Variants in THSD7B observed in about 807,000 individuals in gnomAD.
THSD7B encodes thrombospondin type 1 domain containing 7B.
Under a neutral mutation model 213.6 loss-of-function variants are expected in THSD7B, and 138 were observed. The ratio of observed to expected loss-of-function variants is 0.65; its 90% CI spans 0.56 to 0.74. THSD7B has a LOEUF of 0.74. THSD7B is among the 30% of genes least tolerant of loss of function. THSD7B has a pLI of 0.00. For synonymous variants in THSD7B, 742 were observed against 687.0 expected, an observed-to-expected ratio of 1.08 and a Z score of -1.25; for missense variants, 1,931 against 1,991.5, an observed-to-expected ratio of 0.97 and a Z score of 0.58.
chr2:136,839,183 C>T (rs779176281), intron 1 of THSD7B, among the ~76,000 whole-genome samples: 5 of 152,178 alleles, frequency 3.3e-5, no homozygotes, highest in Non-Finnish European at 7.3e-5. Flanking sequence ...ATCAAGCATG[C>T]CTCACACTAG....
chr2:137,471,743 G>A (rs1688099118), intron 15 of THSD7B, among the ~76,000 whole-genome samples: 1 of 152,102 alleles, frequency 6.6e-6, no homozygotes, highest in Middle Eastern at 3.2e-3. Flanking sequence ...TGGGGTTTAG[G>A]TGCAGGCTCC....
intron 2 of THSD7B, among the ~76,000 whole-genome samples, chr2:137,027,933 A>G (rs1686584816): frequency 6.6e-6 from 1 of 152,214 alleles, no homozygotes; most frequent in East Asian, 1.9e-4. Flanking sequence ...TCATGAAGTA[A>G]GGACTAAATT....
chr2:136,970,037 A>C (rs1248787311), intron 2 of THSD7B, among the ~76,000 whole-genome samples: 1 of 152,252 alleles, frequency 6.6e-6, no homozygotes, highest in African/African-American at 2.4e-5. Flanking sequence ...GAGAAATAGG[A>C]GAAAATATTT....
chr2:137,602,260 T>C (rs915207090), intron 17 of THSD7B, among the ~76,000 whole-genome samples: 1 of 151,980 alleles, frequency 6.6e-6, no homozygotes, highest in African/African-American at 2.4e-5. Flanking sequence ...CGTTTTTTTG[T>C]TTTTGTTTTT....
chr2:137,549,337 C>G (rs1405207328), intron 15 of THSD7B, among the ~76,000 whole-genome samples: 1 of 73,442 alleles, frequency 1.4e-5, no homozygotes, highest in African/African-American at 5.4e-5. Flanking sequence ...TTTTTTTTTG[C>G]AACAGAGATA....
intron 12 of THSD7B, among the ~76,000 whole-genome samples, chr2:137,309,244 T>C (rs1683830032): frequency 1.3e-5 from 2 of 152,008 alleles, no homozygotes; most frequent in African/African-American, 4.8e-5. Flanking sequence ...GCTATTAATA[T>C]TACTTAGTCA....
At chr2:137,631,417 TATTTTTAA>T (rs1012102354) in intron 20 of THSD7B, among the ~76,000 whole-genome samples, 2 of 152,212 alleles carry the variant, frequency 1.3e-5, no homozygotes, top group South Asian at 2.1e-4. Flanking sequence ...TTGTATTTTA[TATTTTTAA>T]ATTTAATGCA....
intron 15 of THSD7B, among the ~76,000 whole-genome samples, chr2:137,475,785 T>A (rs1688179137): frequency 6.6e-6 from 1 of 152,142 alleles, no homozygotes; most frequent in Admixed American, 6.5e-5. Context: ...AACATGGGGG[T>A]GCCAAGATCA....
chr2:136,766,590 C>T (rs1397047129), intron 1 of THSD7B, among the ~76,000 whole-genome samples: 4 of 152,074 alleles, frequency 2.6e-5, no homozygotes, highest in Admixed American at 2.6e-4. Flanking sequence ...GAGGAGGGGG[C>T]GTTAAGCTCT....
At chr2:136,967,321 T>G (rs1685337325) in intron 2 of THSD7B, among the ~76,000 whole-genome samples, 1 of 152,204 alleles carries the variant, frequency 6.6e-6, no homozygotes, top group Non-Finnish European at 1.5e-5. Context: ...TTTTCAATGG[T>G]GTATTTATCC....
At chr2:137,671,238 T>C (rs974317680) in intron 27 of THSD7B, among the ~76,000 whole-genome samples, 42 of 40,352 alleles carry the variant, frequency 1.0e-3, no homozygotes, top group African/African-American at 2.2e-3. Context: ...TGATTTGCTT[T>C]TTTTTTTTTA....
chr2:136,915,832 G>T (rs145921257), intron 2 of THSD7B, among the ~76,000 whole-genome samples: 16 of 152,218 alleles, frequency 1.1e-4, no homozygotes, highest in African/African-American at 3.9e-4. Flanking sequence ...AATAAGATCT[G>T]GTATTAAATT....
chr2:136,891,828 T>A (rs1382702190), intron 2 of THSD7B, among the ~76,000 whole-genome samples: 1 of 152,194 alleles, frequency 6.6e-6, no homozygotes, highest in Non-Finnish European at 1.5e-5. Context: ...AATAGTGATT[T>A]AAAACAGTAA....
chr2:137,046,519 C>T (rs565622931), intron 2 of THSD7B, among the ~76,000 whole-genome samples: 7 of 152,048 alleles, frequency 4.6e-5, no homozygotes, highest in East Asian at 1.9e-4. Flanking sequence ...CGCCTGAGGT[C>T]GGGAGTTCGA....
intron 2 of THSD7B, among the ~76,000 whole-genome samples, chr2:136,898,614 C>A (rs1234400354): frequency 8.1e-5 from 10 of 123,438 alleles, no homozygotes; most frequent in South Asian, 5.7e-4. Flanking sequence ...TATGTTAAAA[C>A]TCACTTGGGA....
chr2:137,107,092 A>G (rs1573826928), intron 4 of THSD7B, among the ~76,000 whole-genome samples: 1 of 152,318 alleles, frequency 6.6e-6, no homozygotes, highest in East Asian at 1.9e-4. Context: ...ACAGGCACAC[A>G]TGTGTTTATT....
chr2:137,533,077 G>T (rs1680430113), intron 15 of THSD7B, among the ~76,000 whole-genome samples: 1 of 151,162 alleles, frequency 6.6e-6, no homozygotes, highest in Non-Finnish European at 1.5e-5. Context: ...TATGCATAAT[G>T]AAATAATATA....
intron 1 of THSD7B, among the ~76,000 whole-genome samples, chr2:136,785,591 A>G (rs1413741718): frequency 3.3e-5 from 5 of 152,198 alleles, no homozygotes; most frequent in Non-Finnish European, 5.9e-5. Flanking sequence ...TCTGTTTCAA[A>G]CACACATCCA....
chr2:137,501,922 C>T (rs982980686), intron 15 of THSD7B, among the ~76,000 whole-genome samples: 1 of 152,116 alleles, frequency 6.6e-6, no homozygotes, highest in Non-Finnish European at 1.5e-5. Context: ...GTGCTTTATC[C>T]GCTGTGATCT....
Sources: gnomAD v4.1 joint callset for allele counts (sites outside exome capture counted in the v4.1 genomes callset) on GRCh38, gnomAD v4.1.1 for gene constraint, MANE v1.5 for transcripts, NCBI Gene and HGNC (gene_info 2026-07-23, HGNC 2026-07-21) for gene names.